OSBPL10: variants seen among roughly 807,000 people sequenced by gnomAD.
The protein encoded by OSBPL10 is oxysterol binding protein like 10, also known as oxysterol-binding protein-related protein 10.
OSBPL10 carries 49 observed loss-of-function variants against 81.7 expected under a neutral mutation model. The observed-to-expected ratio is 0.60, with a 90% CI of 0.48 to 0.76. OSBPL10 has a LOEUF of 0.76. Ranked by LOEUF, OSBPL10 falls within the 30% of genes least tolerant of loss-of-function variation. The probability of loss-of-function intolerance (pLI) is 0.00; values close to 1 mark genes in which losing one functional copy is unlikely to be tolerated. For missense variants in OSBPL10, 923 were observed against 987.8 expected, an observed-to-expected ratio of 0.93 and a Z score of 0.88; for synonymous variants, 419 against 383.6, an observed-to-expected ratio of 1.09 and a Z score of -1.08.
rs982364586 is a variant in OSBPL10, at chr3:31,745,333, A to T, written c.940+2577T>A. On this transcript the variant is annotated intron_variant, in intron 5 of 11. Transcript: ENST00000396556. Reference sequence around the variant, plus strand: ...AAGTATGTAATAGTGAAGGGACATCATGTCTGCAACTTACTCTTAAGTGGT... The same window carrying T: ...AAGTATGTAATAGTGAAGGGACATCTTGTCTGCAACTTACTCTTAAGTGGT... 2.9e-4 allele frequency among the ~76,000 whole-genome samples: 44 copies of T among 152,350 alleles called. 1 individual carries two copies. The highest frequency in any genetic ancestry group is 9.9e-4 in the African/African-American group (41 of 41,582).
At chr3:31,840,892 T>C (rs1222667893) in intron 3 of OSBPL10, among the ~76,000 whole-genome samples, 2 of 141,136 alleles carry the variant, frequency 1.4e-5, no homozygotes, top group Non-Finnish European at 3.3e-5. Flanking sequence ...GTTAGGCTTC[T>C]TGTTGTTGTT....
intron 2 of OSBPL10, among the ~76,000 whole-genome samples, chr3:32,008,097 T>C (rs180972603): frequency 4.7e-4 from 71 of 152,200 alleles, no homozygotes; most frequent in African/African-American, 1.6e-3. Flanking sequence ...GTGTAGACAT[T>C]TGGGGGCCAT....
chr3:31,938,678 A>C (rs993054160), intron 1 of OSBPL10, among the ~76,000 whole-genome samples: 11 of 152,046 alleles, frequency 7.2e-5, no homozygotes, highest in African/African-American at 2.7e-4. Flanking sequence ...CCAGGTAAGT[A>C]GAAATGGGGT....
intron 2 of OSBPL10, among the ~76,000 whole-genome samples, chr3:32,010,814 G>C (rs988497799): frequency 2.6e-5 from 4 of 152,204 alleles, no homozygotes; most frequent in African/African-American, 9.7e-5. Flanking sequence ...TGGCTCAGAG[G>C]GTCCTGTGCC....
chr3:31,957,885 C>T (rs1420698093), intron 1 of OSBPL10, among the ~76,000 whole-genome samples: 1 of 152,164 alleles, frequency 6.6e-6, no homozygotes, highest in Admixed American at 6.5e-5. Context: ...GTGATCTGCC[C>T]ACCTCAGCCT....
intron 1 of OSBPL10, among the ~76,000 whole-genome samples, chr3:31,934,427 G>C (rs1312785723): frequency 9.6e-6 from 1 of 104,366 alleles, no homozygotes; most frequent in Admixed American, 9.3e-5. Flanking sequence ...TTTTTTTTTG[G>C]AGACAAAGTC....
chr3:32,035,144 C>T (rs1490649040), intron 2 of OSBPL10, among the ~76,000 whole-genome samples: 1 of 152,106 alleles, frequency 6.6e-6, no homozygotes, highest in African/African-American at 2.4e-5. Context: ...CATAAATGTA[C>T]TTCATAGAGG....
At chr3:31,817,120 G>GGCCATGGGCA (rs1359618182) in intron 4 of OSBPL10, among the ~76,000 whole-genome samples, 1 of 152,184 alleles carries the variant, frequency 6.6e-6, no homozygotes, top group Non-Finnish European at 1.5e-5. Flanking sequence ...GTCCATGGGT[G>GGCCATGGGCA]GCCATGGGCA....
At chr3:31,663,067 ATC>A in intron 11 of OSBPL10, 1 of 985,330 alleles carries the variant, frequency 1.0e-6, no homozygotes. Flanking sequence ...TTAACCATGA[ATC>A]CACCCCAGTT....
intron 1 of OSBPL10, among the ~76,000 whole-genome samples, chr3:32,054,480 T>C (rs1042921291): frequency 4.0e-5 from 6 of 151,718 alleles, no homozygotes; most frequent in African/African-American, 1.5e-4. Flanking sequence ...TTACATAAAA[T>C]TGTTGTATGC....
intron 8 of OSBPL10, among the ~76,000 whole-genome samples, chr3:31,681,883 C>A (rs1237075119): frequency 6.6e-6 from 1 of 152,166 alleles, no homozygotes; most frequent in Non-Finnish European, 1.5e-5. Flanking sequence ...TTTAGCACTC[C>A]CTTCAATGAC....
intron 1 of OSBPL10, among the ~76,000 whole-genome samples, chr3:31,929,379 GGCTT>G (rs1697169894): frequency 6.6e-6 from 1 of 152,094 alleles, no homozygotes; most frequent in South Asian, 2.1e-4. Flanking sequence ...TAAAATATGT[GGCTT>G]TAATACAGAC....
chr3:31,912,100 CA>C (rs142607676), intron 1 of OSBPL10, among the ~76,000 whole-genome samples: 1,561 of 147,212 alleles, frequency 0.011, 30 homozygotes, highest in African/African-American at 0.032. Context: ...ATGTTTAAAT[CA>C]AAAAAAAAAA....
Position 32,053,888 on chromosome 3 carries a change from C to T in OSBPL10, n.186-7285G>A, listed in dbSNP as rs114736138. 2.4e-3 allele frequency among the ~76,000 whole-genome samples: 360 copies of T among 152,108 alleles called. 4 individuals carry two copies. Among genetic ancestry groups the T allele is most frequent in the African/African-American group, 7.7e-3 (318 of 41,490 alleles). On this transcript the variant is annotated intron_variant and non_coding_transcript_variant, in intron 1 of 3. Transcript: ENST00000479173. The stretch of plus-strand genomic sequence containing the variant: ...CTGAGGCAAGAGAATCACTTGAACA[C>T]GGGAGGCAGACAGAGATTGCAGTGA...
chr3:31,855,048 A>G (rs975894445), intron 3 of OSBPL10, among the ~76,000 whole-genome samples: 6 of 152,048 alleles, frequency 3.9e-5, no homozygotes, highest in Admixed American at 1.3e-4. Context: ...TTTGCCAGAG[A>G]CAGGGATCTT....
At chr3:31,937,694 A>ACCACCCTTCCC in intron 1 of OSBPL10, among the ~76,000 whole-genome samples, 1 of 103,062 alleles carries the variant, frequency 9.7e-6, no homozygotes, top group South Asian at 4.0e-4. Flanking sequence ...ACCTCTTGGG[A>ACCACCCTTCCC]CCACCCTTCC....
At position 31,858,116 on chromosome 3, in the gene OSBPL10, C is replaced by A. The variant is rs1459306753; in HGVS notation, c.537+18317G>T. Reference sequence around the variant, plus strand: ...GGCTTAAGCAATCCTGCCATCTCAGCCTCCCGAGTATCTAGCTGGAACTAC... The same window carrying A: ...GGCTTAAGCAATCCTGCCATCTCAGACTCCCGAGTATCTAGCTGGAACTAC... On this transcript the variant is annotated intron_variant, in intron 3 of 11. Transcript: ENST00000396556. Among the ~76,000 whole-genome samples, 3 of 151,820 alleles carry A rather than the reference C, an allele frequency of 2.0e-5. No homozygotes were observed. The East Asian group carries it at 5.9e-4, about 30-fold the overall frequency.
intron 6 of OSBPL10, among the ~76,000 whole-genome samples, chr3:31,726,317 T>TTTTTTA (rs1218656686): frequency 2.6e-5 from 4 of 152,104 alleles, no homozygotes; most frequent in African/African-American, 9.7e-5. Context: ...TTAATTTTTT[T>TTTTTTA]TTTTTATTTT....
intron 7 of OSBPL10, among the ~76,000 whole-genome samples, chr3:31,700,955 C>T (rs372089066): frequency 2.0e-5 from 3 of 152,264 alleles, no homozygotes; most frequent in Admixed American, 2.0e-4. Context: ...GAAGAAGGAA[C>T]TTTCTATGTC....
Sources: gnomAD v4.1 joint callset for allele counts (sites outside exome capture counted in the v4.1 genomes callset) on GRCh38, gnomAD v4.1.1 for gene constraint, MANE v1.5 for transcripts, NCBI Gene and HGNC (gene_info 2026-07-23, HGNC 2026-07-21) for gene names.